The following CENPK variants were observed in gnomAD, a reference collection of about 807,000 sequenced individuals.
The protein encoded by CENPK is centromere protein K, also known as SoxLZ/Sox6-binding protein Solt.
In CENPK, 46 loss-of-function variants were observed where a neutral mutation model predicts 40.9. That is an observed-to-expected ratio of 1.13 (90% CI 0.89 to 1.44). The LOEUF (loss-of-function observed/expected upper bound fraction) is 1.44. Among genes scored for constraint, CENPK ranks in the 40% most tolerant of loss-of-function variants. CENPK has a pLI of 0.00. For missense variants in CENPK, 288 were observed against 303.5 expected, an observed-to-expected ratio of 0.95 and a Z score of 0.38; for synonymous variants, 107 against 104.4, an observed-to-expected ratio of 1.02 and a Z score of -0.15.
the CENPK span, among the ~76,000 whole-genome samples, chr5:65,501,128 CT>C: frequency 1.4e-5 from 2 of 143,110 alleles, no homozygotes; most frequent in East Asian, 4.2e-4. Context: ...TTTGCTGAGA[CT>C]TTCTATTTTC....
intron 6 of CENPK, chr5:65,541,234 T>C (rs775100804): frequency 1.4e-5 from 5 of 357,912 alleles, no homozygotes; most frequent in Non-Finnish European, 2.9e-5. Context: ...GAGGGGATCA[T>C]GGAAACCCCT....
At chr5:65,538,563 C>T (rs990906433) in intron 6 of CENPK, among the ~76,000 whole-genome samples, 1 of 152,140 alleles carries the variant, frequency 6.6e-6, no homozygotes, top group Non-Finnish European at 1.5e-5. Flanking sequence ...TTCAACACTT[C>T]GTTTAAATAT....
intron 5 of CENPK, among the ~76,000 whole-genome samples, chr5:65,546,239 C>G (rs766204484): frequency 6.6e-6 from 1 of 152,076 alleles, no homozygotes; most frequent in East Asian, 1.9e-4. Context: ...CCCCCCCGCT[C>G]AGGTGATCCA....
chr5:65,515,562 C>T (rs1742801257), downstream of CENPK, among the ~76,000 whole-genome samples: 1 of 152,060 alleles, frequency 6.6e-6, no homozygotes, highest in Non-Finnish European at 1.5e-5. Context: ...TATATTTTCT[C>T]GAGACTTCTT....
downstream of CENPK, among the ~76,000 whole-genome samples, chr5:65,514,959 T>TG (rs1554102296): frequency 2.5e-5 from 3 of 122,066 alleles, 1 homozygote; most frequent in South Asian, 8.1e-4. Flanking sequence ...TCTTTTGTTA[T>TG]GGTAAAAGTT....
chr5:65,514,943 G>T (rs1742759070), downstream of CENPK, among the ~76,000 whole-genome samples: 1 of 140,646 alleles, frequency 7.1e-6, no homozygotes, highest in Non-Finnish European at 1.5e-5. Context: ...AGTAATTTTT[G>T]TTTTTTCTTT....
At chr5:65,501,100 C>A in the CENPK span, among the ~76,000 whole-genome samples, 1 of 141,778 alleles carries the variant, frequency 7.1e-6, no homozygotes, top group African/African-American at 2.6e-5. Flanking sequence ...TATGATTCTT[C>A]TTTATATCTT....
chr5:65,499,976 T>C, the CENPK span, among the ~76,000 whole-genome samples: 15 of 87,464 alleles, frequency 1.7e-4, no homozygotes, highest in African/African-American at 5.2e-4. Flanking sequence ...GTTTCATCCA[T>C]GTCCCTACAA....
chr5:65,504,285 C>T, the CENPK span, among the ~76,000 whole-genome samples: 7 of 151,510 alleles, frequency 4.6e-5, no homozygotes, highest in Admixed American at 4.6e-4. Flanking sequence ...GGTGAAACCC[C>T]ATCTCTACTA....
intron 10 of CENPK, among the ~76,000 whole-genome samples, chr5:65,518,968 A>C (rs1743202386): frequency 6.6e-6 from 1 of 152,182 alleles, no homozygotes; most frequent in South Asian, 2.1e-4. Flanking sequence ...AAAACACAAA[A>C]AGTTAAAAAG....
At chr5:65,548,341 A>G (rs1390198121) in intron 5 of CENPK, among the ~76,000 whole-genome samples, 1 of 152,216 alleles carries the variant, frequency 6.6e-6, no homozygotes, top group Non-Finnish European at 1.5e-5. Context: ...AAAATTGCTA[A>G]CTGAGATGCC....
chr5:65,544,207 G>T (rs2150463075), intron 5 of CENPK, among the ~76,000 whole-genome samples: 2 of 152,234 alleles, frequency 1.3e-5, no homozygotes, highest in South Asian at 4.1e-4. Flanking sequence ...TCACATAGTG[G>T]AAGGCAAAAG....
chr5:65,533,989 A>C (rs549184755), intron 6 of CENPK, among the ~76,000 whole-genome samples: 4 of 141,088 alleles, frequency 2.8e-5, no homozygotes, highest in Admixed American at 2.4e-4. Flanking sequence ...TGGAGCTTGC[A>C]GTGAGCTCAG....
intron 5 of CENPK, chr5:65,550,809 T>C (rs1749860214): frequency 6.6e-6 from 1 of 152,662 alleles, no homozygotes; most frequent in Non-Finnish European, 1.5e-5. Context: ...ATTATAAATT[T>C]TTATGCTGTC....
At chr5:65,507,031 T>C in the CENPK span, among the ~76,000 whole-genome samples, 1 of 152,212 alleles carries the variant, frequency 6.6e-6, no homozygotes, top group East Asian at 1.9e-4. Context: ...TGTTCCCAAG[T>C]AGGAAATCTC....
intron 6 of CENPK, among the ~76,000 whole-genome samples, chr5:65,534,050 C>CAAAAAAAA (rs60018569): frequency 1.2e-4 from 11 of 90,764 alleles, no homozygotes; most frequent in Middle Eastern, 8.1e-3. Flanking sequence ...ACCGTCTCAA[C>CAAAAAAAA]AAAAAAAAAA....
At chr5:65,545,101 T>C (rs966750599) in intron 5 of CENPK, among the ~76,000 whole-genome samples, 12 of 152,012 alleles carry the variant, frequency 7.9e-5, no homozygotes, top group Non-Finnish European at 1.8e-4. Flanking sequence ...AGGTCTAACA[T>C]TCATGTTATC....
intron 2 of CENPK, among the ~76,000 whole-genome samples, chr5:65,559,386 T>C (rs1345753226): frequency 6.6e-6 from 1 of 151,974 alleles, no homozygotes; most frequent in Non-Finnish European, 1.5e-5. Flanking sequence ...TCCCAGCACT[T>C]TGGGAGGCCG....
intron 5 of CENPK, 108 bp from the exon 6 acceptor site, chr5:65,542,956 A>G (rs1748237403): frequency 9.0e-6 from 8 of 892,362 alleles, no homozygotes; most frequent in Non-Finnish European, 1.2e-5. Flanking sequence ...CTCCATTTAT[A>G]TAATATACAA....
Sources: gnomAD v4.1 joint callset for allele counts (sites outside exome capture counted in the v4.1 genomes callset) on GRCh38, gnomAD v4.1.1 for gene constraint, MANE v1.5 for transcripts, NCBI Gene and HGNC (gene_info 2026-07-23, HGNC 2026-07-21) for gene names.